The following ZC3H11A variants were observed in gnomAD, a reference collection of about 807,000 sequenced individuals.
The protein encoded by ZC3H11A is zinc finger CCCH domain-containing protein 11A.
ZC3H11A carries 22 observed loss-of-function variants against 90.8 expected under a neutral mutation model. That is an observed-to-expected ratio of 0.24 (90% CI 0.17 to 0.35). The LOEUF (loss-of-function observed/expected upper bound fraction) is 0.35, where lower values mean the gene tolerates loss of function less well. Ranked by LOEUF, ZC3H11A falls within the 10% of genes least tolerant of loss-of-function variation. ZC3H11A has a pLI of 1.00. For synonymous variants in ZC3H11A, 294 were observed against 339.8 expected, an observed-to-expected ratio of 0.87 and a Z score of 1.48; for missense variants, 701 against 964.9, an observed-to-expected ratio of 0.73 and a Z score of 3.62.
At chr1:203,800,975 A>G (rs1489012152) in intron 1 of ZC3H11A, 1 of 152,252 alleles carries the variant, frequency 6.6e-6, no homozygotes, top group Non-Finnish European at 1.5e-5. Context: ...GCCTCCTCAT[A>G]CTGGTCAGCT....
chr1:203,820,487 T>TGTGTGTGTG (rs1553263519), intron 4 of ZC3H11A, among the ~76,000 whole-genome samples: 3 of 152,048 alleles, frequency 2.0e-5, no homozygotes, highest in Non-Finnish European at 2.9e-5. Context: ...TGTGTGTATA[T>TGTGTGTGTG]TTTGAGTTGA....
intron 1 of ZC3H11A, chr1:203,800,306 A>G: frequency 1.1e-6 from 1 of 901,592 alleles, no homozygotes; most frequent in Non-Finnish European, 1.8e-6. Flanking sequence ...TTCATCCAAA[A>G]CAGATCATGA....
intron 2 of ZC3H11A, among the ~76,000 whole-genome samples, chr1:203,806,551 C>T (rs1472557824): frequency 1.3e-5 from 2 of 152,166 alleles, no homozygotes; most frequent in African/African-American, 4.8e-5. Flanking sequence ...GATCAGCCCA[C>T]CTAGGCCTCC....
At chr1:203,819,119 C>CAT (rs1558111100) in intron 4 of ZC3H11A, among the ~76,000 whole-genome samples, 3 of 140,994 alleles carry the variant, frequency 2.1e-5, no homozygotes, top group African/African-American at 8.3e-5. Context: ...CACACACACA[C>CAT]GTGTATATAT....
At chr1:203,822,125 A>T (rs35161192) in intron 4 of ZC3H11A, among the ~76,000 whole-genome samples, 3 of 152,096 alleles carry the variant, frequency 2.0e-5, no homozygotes, top group Non-Finnish European at 2.9e-5. Context: ...CAGTTCATCA[A>T]TGCCACAGGA....
chr1:203,817,225 T>G, intron 3 of ZC3H11A, 101 bp downstream of exon 3: 2 of 955,898 alleles, frequency 2.1e-6, no homozygotes, highest in Non-Finnish European at 2.9e-6. Context: ...ATATATATAT[T>G]TTTTGCCCAA....
intron 9 of ZC3H11A, among the ~76,000 whole-genome samples, chr1:203,832,368 T>C (rs947786264): frequency 1.3e-5 from 2 of 151,676 alleles, no homozygotes; most frequent in Admixed American, 6.6e-5. Context: ...GCCATTAATT[T>C]TTTTTTTTTT....
Position 203,802,963 on chromosome 1 carries a change from T to C in ZC3H11A, c.-199T>C, listed in dbSNP as rs971933293. ...GTGTTGGTTCGACCTACAGGCGTAA[T>C]AGATTGGAACTCAGTGAAGACACAG... On this transcript the variant is annotated 5_prime_UTR_variant, in exon 2 of 18. Transcript: ENST00000367210. The C allele has an allele frequency of 6.6e-6, 1 of 152,560 alleles. No individual in the cohort carries two copies. Among genetic ancestry groups the C allele is most frequent in the African/African-American group, 2.4e-5 (1 of 41,428 alleles). The allele number at this position is 152,560 out of a possible 1,614,324, so 9.5% of individuals were successfully genotyped here.
In ZC3H11A at chr1:203,853,392, T is replaced by C. The variant is rs1357379736; in HGVS notation, c.*993T>C. 6.6e-6 allele frequency: 1 copy of C among 152,556 alleles called. No homozygotes were observed. Among genetic ancestry groups the C allele is most frequent in the Non-Finnish European group, 1.5e-5 (1 of 68,028 alleles). The allele number at this position is 152,556 out of a possible 1,614,324, so 9.5% of individuals were successfully genotyped here. A position where few individuals can be genotyped will look rare whatever the true frequency, so the allele number is the denominator to read the frequency against. On this transcript the variant is annotated 3_prime_UTR_variant, in exon 18 of 18. Coordinates refer to ENST00000367210, the MANE Select transcript of ZC3H11A (RefSeq NM_001376342.1). Reference sequence around the variant, plus strand: ...ACTGAATTGTACTGTGCCAGGGATATTGAGATGCTCTGGGGGTGTATTGTA... The same window carrying C: ...ACTGAATTGTACTGTGCCAGGGATACTGAGATGCTCTGGGGGTGTATTGTA...
At position 203,840,211 on chromosome 1, in the gene ZC3H11A, T is replaced by C. The variant is rs1017373336; in HGVS notation, c.974-95T>C. On this transcript the variant is annotated intron_variant, in intron 11 of 17. Transcript: ENST00000367210. Reference sequence around the variant, plus strand: ...GCCTTGGCCTCCCAAAGTTCTGGGATTACAGGTGTATGCCACCATGCCCAG... The same window carrying C: ...GCCTTGGCCTCCCAAAGTTCTGGGACTACAGGTGTATGCCACCATGCCCAG... 5.7e-6 allele frequency: 7 copies of C among 1,238,082 alleles called. No individual in the cohort carries two copies. The African/African-American group carries it at 9.1e-5, about 16-fold the overall frequency. The allele number at this position is 1,238,082 out of a possible 1,614,324, so 76.7% of individuals were successfully genotyped here.
At position 203,837,454 on chromosome 1, in the gene ZC3H11A, C is replaced by CTT. The variant is rs148758453; in HGVS notation, c.875-500_875-499dup. On this transcript the variant is annotated intron_variant, in intron 10 of 17. Transcript: ENST00000367210. Reference sequence around the variant, plus strand: ...ATTTTTTGTTCTTTCCCTTGTCTCTCTTTTTTTTTTTTTCTTGAGAATGGG... The same window carrying CTT: ...ATTTTTTGTTCTTTCCCTTGTCTCTCTTTTTTTTTTTTTTTCTTGAGAATGGG... Among the ~76,000 whole-genome samples the CTT allele has an allele frequency of 3.7e-3, 531 of 143,978 alleles. 2 individuals carry two copies. Among genetic ancestry groups the CTT allele is most frequent in the Middle Eastern group, 0.033 (9 of 276 alleles). 94.5% of individuals were successfully genotyped at this position (143,978 alleles called of 152,430 possible). A position where few individuals can be genotyped will look rare whatever the true frequency, so the allele number is the denominator to read the frequency against.
rs1180642261 is a variant in ZC3H11A at position 203,852,686 on chromosome 1, G to GA, written c.*290dup. The GA allele has an allele frequency of 2.3e-6, 1 of 430,356 alleles. No homozygotes were observed. Among genetic ancestry groups the GA allele is most frequent in the African/African-American group, 2.0e-5 (1 of 49,546 alleles). 26.7% of individuals were successfully genotyped at this position (430,356 alleles called of 1,614,324 possible). The stretch of plus-strand genomic sequence containing the variant: ...AAAGAGACTGAGAGGGAGATCAAGT[G>GA]AAAGGGTGCAAGCGAACTTAGTGAC... On this transcript the variant is annotated 3_prime_UTR_variant, in exon 18 of 18. Coordinates refer to ENST00000367210, the MANE Select transcript of ZC3H11A (RefSeq NM_001376342.1).
chr1:203,838,311 C>T (rs572104351), intron 11 of ZC3H11A, among the ~76,000 whole-genome samples: 1 of 152,016 alleles, frequency 6.6e-6, no homozygotes, highest in African/African-American at 2.4e-5. Flanking sequence ...CTTATAAATG[C>T]GATAAATTTT....
At chr1:203,827,680 T>TC (rs1469703059) in intron 4 of ZC3H11A, among the ~76,000 whole-genome samples, 1 of 143,492 alleles carries the variant, frequency 7.0e-6, no homozygotes, top group Non-Finnish European at 1.5e-5. Flanking sequence ...AGACTCTGTC[T>TC]CAAAAAAAAA....
At chr1:203,801,033 G>T (rs550695876) in intron 1 of ZC3H11A, 1 of 152,182 alleles carries the variant, frequency 6.6e-6, no homozygotes, top group Admixed American at 6.5e-5. Context: ...TTTAGAATTG[G>T]ATCTTATATA....
intron 4 of ZC3H11A, among the ~76,000 whole-genome samples, chr1:203,827,196 T>G (rs1017388235): frequency 2.0e-5 from 3 of 152,212 alleles, no homozygotes; most frequent in Non-Finnish European, 2.9e-5. Flanking sequence ...CTAGTATTGA[T>G]GTACACATGG....
chr1:203,836,088 A>G (rs975491931), intron 10 of ZC3H11A, among the ~76,000 whole-genome samples: 4 of 152,206 alleles, frequency 2.6e-5, no homozygotes, highest in Non-Finnish European at 5.9e-5. Context: ...TTAGGTAGAA[A>G]AAAATAATAC....
At chr1:203,832,169 G>A (rs1015800165) in intron 9 of ZC3H11A, among the ~76,000 whole-genome samples, 2 of 151,962 alleles carry the variant, frequency 1.3e-5, no homozygotes, top group Middle Eastern at 3.2e-3. Flanking sequence ...AGCAATTTTC[G>A]TGTCTCGGCC....
intron 1 of ZC3H11A, chr1:203,799,820 G>C: frequency 6.9e-7 from 1 of 1,443,064 alleles, no homozygotes; most frequent in African/African-American, 1.4e-5. Flanking sequence ...CCTGTATCTT[G>C]GCTACTTTGT....
Sources: gnomAD v4.1 joint callset for allele counts (sites outside exome capture counted in the v4.1 genomes callset) on GRCh38, gnomAD v4.1.1 for gene constraint, MANE v1.5 for transcripts, NCBI Gene and HGNC (gene_info 2026-07-23, HGNC 2026-07-21) for gene names.